The following ATRNL1 variants were observed in gnomAD, a reference collection of about 807,000 sequenced individuals.
ATRNL1 encodes attractin-like protein 1.
ATRNL1 carries 95 observed loss-of-function variants against 182.7 expected under a neutral mutation model. The ratio of observed to expected loss-of-function variants is 0.52; its 90% confidence interval spans 0.44 to 0.62. The LOEUF (loss-of-function observed/expected upper bound fraction) is 0.62, where lower values mean the gene tolerates loss of function less well. ATRNL1 is among the 20% of genes least tolerant of loss of function. The pLI, the probability that ATRNL1 is intolerant of heterozygous loss-of-function variation, is 0.00. For synonymous variants in ATRNL1, 576 were observed against 568.3 expected (o/e 1.01, Z -0.19); for missense variants, 1,471 against 1,679.5 (o/e 0.88, Z 2.17).
intron 24 of ATRNL1, among the ~76,000 whole-genome samples, chr10:115,491,994 G>A (rs1849321058): frequency 6.6e-6 from 1 of 152,244 alleles, no homozygotes; most frequent in East Asian, 1.9e-4. Context: ...GCTAGGGGAG[G>A]GAAATCCTCT....
rs556326731 is a variant in ATRNL1 at position 115,711,453 on chromosome 10, T to C, written c.3796-15795T>C. ...AAGAGCAGGAGAGAAGCTAGGAGAG[T>C]ATCTATGGAAAATTCCTCCTCATCA... On this transcript the variant is annotated intron_variant, in intron 26 of 28. Transcript: ENST00000355044. Among the ~76,000 whole-genome samples the C allele has an allele frequency of 3.3e-5, 5 of 152,070 alleles. No homozygotes were observed. In the East Asian group the frequency reaches 5.8e-4, roughly 18 times the overall value.
chr10:115,371,166 A>G (rs927456901), intron 19 of ATRNL1, among the ~76,000 whole-genome samples: 16 of 152,228 alleles, frequency 1.1e-4, no homozygotes, highest in African/African-American at 3.6e-4. Context: ...ATGTCCAGGC[A>G]GAAGTTCACT....
At chr10:115,696,089 G>A (rs1275624432) in intron 26 of ATRNL1, among the ~76,000 whole-genome samples, 1 of 151,960 alleles carries the variant, frequency 6.6e-6, no homozygotes, top group Non-Finnish European at 1.5e-5. Context: ...TAGTAGAGAC[G>A]GGGTTTCACC....
chr10:115,128,355 C>T, intron 4 of ATRNL1: 1 of 238,554 alleles, frequency 4.2e-6, no homozygotes, highest in Non-Finnish European at 6.8e-6. Context: ...GAGATGCTTT[C>T]ACAGGAATGG....
intron 5 of ATRNL1, among the ~76,000 whole-genome samples, chr10:115,140,354 A>G (rs1463312275): frequency 6.6e-6 from 1 of 152,186 alleles, no homozygotes; most frequent in African/African-American, 2.4e-5. Flanking sequence ...AAAAATTCAA[A>G]TAATATATTT....
chr10:115,726,571 C>T (rs922406783), intron 26 of ATRNL1, among the ~76,000 whole-genome samples: 6 of 152,218 alleles, frequency 3.9e-5, no homozygotes, highest in Admixed American at 6.5e-5. Flanking sequence ...AGCCTGGGCA[C>T]AGCCCAGAAT....
rs939128341 is a variant in ATRNL1 at position 115,858,079 on chromosome 10, T to A, written c.4018+10088T>A. ...AAGCAACAAAACAACAAAGCAAGAA[T>A]GTTGTGGGTGTGAATACAATGTTAT... On this transcript the variant is annotated intron_variant, in intron 28 of 28. Coordinates refer to ENST00000355044, the MANE Select transcript of ATRNL1 (RefSeq NM_207303.4). Among the ~76,000 whole-genome samples the A allele has an allele frequency of 1.6e-4, 24 of 152,218 alleles. No individual in the cohort carries two copies. In the East Asian group the frequency reaches 4.1e-3, roughly 26 times the overall value.
At chr10:115,745,289 A>G in intron 27 of ATRNL1, among the ~76,000 whole-genome samples, 1 of 152,066 alleles carries the variant, frequency 6.6e-6, no homozygotes, top group East Asian at 1.9e-4. Context: ...ATGAGCTCCA[A>G]CCATGCCATT....
In ATRNL1 at chr10:115,389,530, ATGTG is replaced by A. The variant is rs1554953692; in HGVS notation, c.3176-5127_3176-5124del. Among the ~76,000 whole-genome samples the A allele has an allele frequency of 2.1e-5, 2 of 94,476 alleles. 1 individual carries two copies. The highest frequency in any genetic ancestry group is 8.9e-5 in the African/African-American group (2 of 22,416). The allele number at this position is 94,476 out of a possible 152,430, so 62.0% of individuals were successfully genotyped here. The stretch of plus-strand genomic sequence containing the variant: ...AAAAAAAAAGCTGAATAGTATTCAA[ATGTG>A]TATGTGTATATATATATATATATAT... On this transcript the variant is annotated intron_variant, in intron 19 of 28. Transcript: ENST00000355044.
intron 27 of ATRNL1, among the ~76,000 whole-genome samples, chr10:115,750,283 G>T (rs1054248425): frequency 6.6e-6 from 1 of 151,440 alleles, no homozygotes; most frequent in Admixed American, 6.6e-5. Flanking sequence ...TTAAAAGAAA[G>T]GTCTATTAAT....
chr10:115,819,017 G>A (rs542740984), intron 27 of ATRNL1, among the ~76,000 whole-genome samples: 9 of 152,040 alleles, frequency 5.9e-5, no homozygotes, highest in Admixed American at 2.0e-4. Context: ...CTTATCAGAC[G>A]TCTCTATCAC....
chr10:115,321,672 T>C (rs901287845), intron 18 of ATRNL1, among the ~76,000 whole-genome samples: 8 of 28,404 alleles, frequency 2.8e-4, no homozygotes, highest in Non-Finnish European at 8.9e-4. Flanking sequence ...AGGTGAAAGC[T>C]TTTTTTTTTT....
chr10:115,794,975 C>T (rs1245178221), intron 27 of ATRNL1, among the ~76,000 whole-genome samples: 3 of 151,952 alleles, frequency 2.0e-5, no homozygotes, highest in African/African-American at 7.3e-5. Context: ...TCTGAGAGGC[C>T]CCTTTAAGAT....
intron 15 of ATRNL1, among the ~76,000 whole-genome samples, chr10:115,289,869 CT>C (rs1350461154): frequency 6.6e-6 from 1 of 152,054 alleles, no homozygotes; most frequent in East Asian, 1.9e-4. Context: ...TATTAGGGCT[CT>C]TTTTTGTTCC....
intron 13 of ATRNL1, among the ~76,000 whole-genome samples, chr10:115,280,820 A>G (rs890650349): frequency 6.6e-6 from 1 of 152,216 alleles, no homozygotes; most frequent in African/African-American, 2.4e-5. Context: ...ATATCAAGTC[A>G]TGTCAGAGTT....
At chr10:115,555,425 G>T (rs868946812) in intron 26 of ATRNL1, among the ~76,000 whole-genome samples, 1 of 151,600 alleles carries the variant, frequency 6.6e-6, no homozygotes, top group African/African-American at 2.4e-5. Flanking sequence ...AGAGATTTTT[G>T]TATATCAGAA....
At chr10:115,190,569 T>G (rs1180025014) in intron 8 of ATRNL1, among the ~76,000 whole-genome samples, 3 of 152,132 alleles carry the variant, frequency 2.0e-5, no homozygotes, top group African/African-American at 7.2e-5. Flanking sequence ...ACATTTTTTA[T>G]TTTTGATTAT....
intron 26 of ATRNL1, among the ~76,000 whole-genome samples, chr10:115,681,572 A>G (rs1946047201): frequency 6.6e-6 from 1 of 152,114 alleles, no homozygotes; most frequent in Non-Finnish European, 1.5e-5. Flanking sequence ...TCCGTTTGAT[A>G]GAAGGTTGTG....
intron 10 of ATRNL1, among the ~76,000 whole-genome samples, chr10:115,254,592 T>C (rs1403510832): frequency 1.3e-5 from 2 of 152,222 alleles, no homozygotes; most frequent in Non-Finnish European, 2.9e-5. Flanking sequence ...AGGTTGCCTG[T>C]TCACTCTGAT....
Sources: gnomAD v4.1 joint callset for allele counts (sites outside exome capture counted in the v4.1 genomes callset) on GRCh38, gnomAD v4.1.1 for gene constraint, MANE v1.5 for transcripts, NCBI Gene and HGNC (gene_info 2026-07-23, HGNC 2026-07-21) for gene names.